The following IRF2 variants were observed in gnomAD, a reference collection of about 807,000 sequenced individuals.
IRF2 encodes interferon regulatory factor 2.
IRF2 carries 15 observed loss-of-function variants against 40.6 expected under a neutral mutation model. The observed-to-expected ratio is 0.37, with a 90% CI of 0.25 to 0.57. The LOEUF (loss-of-function observed/expected upper bound fraction) is 0.57, where lower values mean the gene tolerates loss of function less well. IRF2 is among the 20% of genes least tolerant of loss of function. IRF2 has a pLI of 0.77. For synonymous variants in IRF2, 151 were observed against 165.5 expected (o/e 0.91, Z 0.67); for missense variants, 317 against 455.7 (o/e 0.70, Z 2.77).
At chr4:184,412,371 C>G (rs1181917571) in intron 5 of IRF2, among the ~76,000 whole-genome samples, 1 of 152,090 alleles carries the variant, frequency 6.6e-6, no homozygotes, top group East Asian at 1.9e-4. Context: ...CAGAGGGACT[C>G]CCCTCTGCTC....
intron 1 of IRF2, among the ~76,000 whole-genome samples, chr4:184,462,239 A>C (rs1290219294): frequency 6.6e-6 from 1 of 152,242 alleles, no homozygotes; most frequent in Non-Finnish European, 1.5e-5. Context: ...GCTCTGAGCC[A>C]CTGAGCAGCT....
rs761360407 is a variant in IRF2 at position 184,399,081 on chromosome 4, T to C, written c.530-2A>G. On this transcript the variant is annotated splice_acceptor_variant, in intron 6 of 8. Coordinates refer to ENST00000393593, the MANE Select transcript of IRF2 (RefSeq NM_002199.4). LOFTEE classifies it high-confidence loss of function. ...TGTCCAGATGGGACTGTCCTACAAC[T>C]TCAAAGAAAAGACAGCCATCATGCA... is the stretch of plus-strand genomic sequence containing the variant. 55 of 1,581,300 alleles carry C rather than the reference T, an allele frequency of 3.5e-5. No individual in the cohort carries two copies. The highest frequency in any genetic ancestry group is 4.5e-5 in the Non-Finnish European group (52 of 1,166,186).
At chr4:184,473,190 T>G (rs1228282840) in intron 1 of IRF2, among the ~76,000 whole-genome samples, 1 of 150,910 alleles carries the variant, frequency 6.6e-6, no homozygotes, top group Non-Finnish European at 1.5e-5. Context: ...AGCGGGCGAA[T>G]GTCACCCGGC....
chr4:184,394,531 TC>T (rs1417121490), intron 7 of IRF2, among the ~76,000 whole-genome samples: 1 of 152,208 alleles, frequency 6.6e-6, no homozygotes, highest in Non-Finnish European at 1.5e-5. Context: ...CCTCTTAATC[TC>T]AAAGCGATTG....
intron 1 of IRF2, among the ~76,000 whole-genome samples, chr4:184,440,659 G>C (rs1209311779): frequency 1.3e-5 from 2 of 152,182 alleles, no homozygotes; most frequent in Non-Finnish European, 2.9e-5. Context: ...CTTCTCCCCA[G>C]GTCCTGTTCC....
intron 8 of IRF2, among the ~76,000 whole-genome samples, 175 bp downstream of exon 8, chr4:184,390,527 AC>A (rs895150549): frequency 2.0e-5 from 3 of 152,148 alleles, no homozygotes; most frequent in African/African-American, 7.2e-5. Context: ...GAATTTTATA[AC>A]CCCAAACCCA....
At position 184,400,414 on chromosome 4, in the gene IRF2, C is replaced by T. The variant is rs529446930; in HGVS notation, c.530-1335G>A. Among the ~76,000 whole-genome samples, 3 of 152,226 alleles carry T rather than the reference C, an allele frequency of 2.0e-5. No individual in the cohort carries two copies. In the East Asian group the frequency reaches 5.8e-4, roughly 29 times the overall value. On this transcript the variant is annotated intron_variant, in intron 6 of 8. Transcript: ENST00000393593. Reference sequence around the variant, plus strand: ...TCAGTCATCGGTTCCTTTTCAATTGCCGAGTAGTATTCCACGGTATAGGTG... The same window carrying T: ...TCAGTCATCGGTTCCTTTTCAATTGTCGAGTAGTATTCCACGGTATAGGTG...
chr4:184,469,358 G>C (rs1045831651), intron 1 of IRF2, among the ~76,000 whole-genome samples: 5 of 152,366 alleles, frequency 3.3e-5, no homozygotes, highest in African/African-American at 1.2e-4. Flanking sequence ...CTGACTGGAA[G>C]TCATATGTGT....
chr4:184,423,010 A>G (rs1241998488), intron 2 of IRF2, among the ~76,000 whole-genome samples: 1 of 152,270 alleles, frequency 6.6e-6, no homozygotes, highest in Non-Finnish European at 1.5e-5. Context: ...CTTATCAGAA[A>G]TATCTTTAAA....
intron 5 of IRF2, among the ~76,000 whole-genome samples, chr4:184,409,452 C>A (rs1162915092): frequency 6.6e-6 from 1 of 152,182 alleles, no homozygotes; most frequent in Admixed American, 6.5e-5. Context: ...GGTTTTTAAA[C>A]AAACCATACA....
intron 1 of IRF2, among the ~76,000 whole-genome samples, chr4:184,463,041 T>C (rs1377715558): frequency 6.6e-6 from 1 of 152,208 alleles, no homozygotes; most frequent in East Asian, 1.9e-4. Flanking sequence ...TCAAATAATC[T>C]AAGATTTTCA....
At position 184,411,542 on chromosome 4, in the gene IRF2, T is replaced by C. The variant is rs142883359; in HGVS notation, c.412-3267A>G. Among the ~76,000 whole-genome samples, 43 of 152,230 alleles carry C rather than the reference T, an allele frequency of 2.8e-4. No individual in the cohort carries two copies. The East Asian group carries it at 6.6e-3, about 23-fold the overall frequency. ...CCAATCATCTCACTGACACCGTCACTCTGGACAGACAGTACAGTCAATGGC... is the reference window on the plus strand; with the variant it reads ...CCAATCATCTCACTGACACCGTCACCCTGGACAGACAGTACAGTCAATGGC... On this transcript the variant is annotated intron_variant, in intron 5 of 8. Coordinates refer to ENST00000393593, the MANE Select transcript of IRF2 (RefSeq NM_002199.4).
chr4:184,469,148 G>A (rs190536903), intron 1 of IRF2, among the ~76,000 whole-genome samples: 2 of 152,268 alleles, frequency 1.3e-5, no homozygotes, highest in East Asian at 3.9e-4. Flanking sequence ...AATTGCATGG[G>A]GTCCCTGGAT....
intron 1 of IRF2, among the ~76,000 whole-genome samples, chr4:184,461,300 G>T (rs1050733378): frequency 6.6e-6 from 1 of 152,134 alleles, no homozygotes; most frequent in Non-Finnish European, 1.5e-5. Context: ...AATCTATTAA[G>T]AGTCTGTTTT....
chr4:184,460,279 C>A (rs72705809), intron 1 of IRF2, among the ~76,000 whole-genome samples: 4,242 of 152,258 alleles, frequency 0.028, 92 homozygotes, highest in Middle Eastern at 0.078. Flanking sequence ...CTCGAGTGGT[C>A]AGATTCACAG....
chr4:184,404,467 A>C (rs2149895053), intron 6 of IRF2, among the ~76,000 whole-genome samples: 1 of 152,328 alleles, frequency 6.6e-6, no homozygotes, highest in East Asian at 1.9e-4. Context: ...TCATCCTCAC[A>C]ATAACTCTGC....
At chr4:184,431,109 G>A (rs1737861016) in intron 1 of IRF2, among the ~76,000 whole-genome samples, 1 of 152,224 alleles carries the variant, frequency 6.6e-6, no homozygotes. Context: ...CCTAGGTGGG[G>A]TGCCGTCAGA....
intron 1 of IRF2, among the ~76,000 whole-genome samples, chr4:184,466,085 A>G (rs1370341015): frequency 6.8e-6 from 1 of 147,458 alleles, no homozygotes; most frequent in Non-Finnish European, 1.5e-5. Flanking sequence ...TTTGAGATGA[A>G]GTCTCACGCT....
intron 5 of IRF2, among the ~76,000 whole-genome samples, chr4:184,417,174 T>A (rs1304281232): frequency 6.6e-6 from 1 of 152,148 alleles, no homozygotes; most frequent in Admixed American, 6.5e-5. Context: ...AGGAGCTGAT[T>A]AAGGTTAAAA....
Sources: gnomAD v4.1 joint callset for allele counts (sites outside exome capture counted in the v4.1 genomes callset) on GRCh38, gnomAD v4.1.1 for gene constraint, MANE v1.5 for transcripts, NCBI Gene and HGNC (gene_info 2026-07-23, HGNC 2026-07-21) for gene names.